RFTN1: variants seen among roughly 807,000 people sequenced by gnomAD.
RFTN1 encodes raftlin.
Under a neutral mutation model 46.5 loss-of-function variants are expected in RFTN1, and 26 were observed. The observed-to-expected ratio is 0.56, with a 90% CI of 0.41 to 0.78. The LOEUF (loss-of-function observed/expected upper bound fraction) is 0.78. RFTN1 is among the 30% of genes least tolerant of loss of function. The pLI, the probability that RFTN1 is intolerant of heterozygous loss-of-function variation, is 0.00. For missense variants in RFTN1, 693 were observed against 718.7 expected, an observed-to-expected ratio of 0.96 and a Z score of 0.41; for synonymous variants, 261 against 284.2, an observed-to-expected ratio of 0.92 and a Z score of 0.82.
At chr3:16,409,221 G>T (rs1259789662) in intron 4 of RFTN1, among the ~76,000 whole-genome samples, 154 bp downstream of exon 4, 2 of 152,344 alleles carry the variant, frequency 1.3e-5, no homozygotes, top group East Asian at 3.9e-4. Context: ...AGCTCTGGAG[G>T]GGGCTGCTTC....
intron 6 of RFTN1, among the ~76,000 whole-genome samples, chr3:16,359,868 T>C (rs1347447148): frequency 6.6e-6 from 1 of 152,038 alleles, no homozygotes; most frequent in African/African-American, 2.4e-5. Flanking sequence ...GTCCCCTGAA[T>C]CATGCTGGAG....
rs548934026 is a variant in RFTN1, at chr3:16,479,616, G to A, written c.145+14109C>T. On this transcript the variant is annotated intron_variant, in intron 2 of 9. Coordinates refer to ENST00000334133, the MANE Select transcript of RFTN1 (RefSeq NM_015150.2). This position sits in a 1 kb window ranked among gnomAD's most constrained non-coding sequence, Gnocchi z 5.1. Reference sequence around the variant, plus strand: ...ATTTCTCACCAAGCAAGCCATGATGGACTGAAGACCGGTGAGCCCATGCTC... The same window carrying A: ...ATTTCTCACCAAGCAAGCCATGATGAACTGAAGACCGGTGAGCCCATGCTC... 6.6e-6 allele frequency among the ~76,000 whole-genome samples: 1 copy of A among 152,326 alleles called. No individual in the cohort carries two copies. Among genetic ancestry groups the A allele is most frequent in the South Asian group, 2.1e-4 (1 of 4,826 alleles).
chr3:16,325,891 G>A (rs372806635), intron 8 of RFTN1, among the ~76,000 whole-genome samples: 28 of 152,306 alleles, frequency 1.8e-4, no homozygotes, highest in African/African-American at 6.5e-4. Context: ...TAGGGCTTGG[G>A]GAAGGTGGAG....
chr3:16,482,823 G>C, intron 2 of RFTN1: 1 of 1,536,036 alleles, frequency 6.5e-7, no homozygotes, highest in Admixed American at 2.0e-5. Context: ...AGGGCGCAGG[G>C]GCAGAACAGC....
In RFTN1 at chr3:16,345,817, TGC is replaced by T. The variant is rs1553726165; in HGVS notation, c.1146+12113_1146+12114del. Among the ~76,000 whole-genome samples, 845 of 74,572 alleles carry T rather than the reference TGC, an allele frequency of 0.011. 3 individuals are homozygous for T. Among genetic ancestry groups the T allele is most frequent in the South Asian group, 0.029 (47 of 1,634 alleles). The allele number at this position is 74,572 out of a possible 152,430, so 48.9% of individuals were successfully genotyped here. On this transcript the variant is annotated intron_variant, in intron 7 of 9. Coordinates refer to ENST00000334133, the MANE Select transcript of RFTN1 (RefSeq NM_015150.2). This position sits in a 1 kb window ranked among gnomAD's most constrained non-coding sequence, Gnocchi z 5.2. ...GTGTGTGTGTGTGTGTGTGTGTGTG[TGC>T]GCGCGCGCGTGCGCGCACGCGCACA...
chr3:16,397,139 G>T (rs1003701212), intron 4 of RFTN1, among the ~76,000 whole-genome samples: 1 of 151,636 alleles, frequency 6.6e-6, no homozygotes, highest in African/African-American at 2.4e-5. Context: ...ATTGTAAGAG[G>T]TATATGTGTG....
At chr3:16,399,577 TTTTTC>T (rs2074554336) in intron 4 of RFTN1, among the ~76,000 whole-genome samples, 1 of 151,642 alleles carries the variant, frequency 6.6e-6, no homozygotes, top group Non-Finnish European at 1.5e-5. Flanking sequence ...GGCTACTTAC[TTTTTC>T]TTTTCTCTGA....
intron 4 of RFTN1, among the ~76,000 whole-genome samples, chr3:16,403,074 G>A (rs6798967): frequency 0.66 from 100,196 of 152,038 alleles, 34,463 homozygotes; most frequent in African/African-American, 0.86. Flanking sequence ...TGGGCGGCAA[G>A]GGCCTGGAGC....
chr3:16,401,321 TAAAAAA>T (rs56312811), intron 4 of RFTN1, among the ~76,000 whole-genome samples: 6 of 145,454 alleles, frequency 4.1e-5, no homozygotes, highest in Non-Finnish European at 6.0e-5. Flanking sequence ...GAAGCCGTGT[TAAAAAA>T]AAAAAAAAAA....
intron 1 of RFTN1, 33 bp from the exon 2 acceptor site, chr3:16,493,910 T>C (rs1342760741): frequency 6.2e-7 from 1 of 1,610,228 alleles, no homozygotes; most frequent in African/African-American, 1.3e-5. Flanking sequence ...GGGGAGGTGA[T>C]TTTTTTCTGA....
chr3:16,419,367 C>G (rs1215534633), intron 3 of RFTN1, among the ~76,000 whole-genome samples: 1 of 152,120 alleles, frequency 6.6e-6, no homozygotes, highest in Admixed American at 6.6e-5. Context: ...GATACTATGA[C>G]AGATTCTGGG....
At position 16,344,185 on chromosome 3, in the gene RFTN1, G is replaced by A. The variant is rs561426357; in HGVS notation, c.1146+13747C>T. Among the ~76,000 whole-genome samples the A allele has an allele frequency of 1.6e-4, 25 of 152,256 alleles. No homozygotes were observed. The highest frequency in any genetic ancestry group is 3.2e-4 in the Non-Finnish European group (22 of 68,016). On this transcript the variant is annotated intron_variant, in intron 7 of 9. Coordinates refer to ENST00000334133, the MANE Select transcript of RFTN1 (RefSeq NM_015150.2). The surrounding 1 kb of genome is among the most constrained non-coding windows in gnomAD (Gnocchi z 4.4). ...TTTTGGAGCTTAAATACAATTTGTT[G>A]ATACTTAAATGTATTCCTATTACAT...
intron 2 of RFTN1, among the ~76,000 whole-genome samples, chr3:16,477,352 T>C (rs1239763420): frequency 6.6e-6 from 1 of 152,186 alleles, no homozygotes; most frequent in East Asian, 1.9e-4. Flanking sequence ...GCAATTTTAT[T>C]TTTCTGCTAG....
rs1349610617 is a variant in RFTN1 at position 16,428,808 on chromosome 3, C to T, written c.332+5043G>A. ...AAAACAACCTAGAATTAAACCCACA[C>T]TCATGAAACATCAGAAGTGACGTTT... On this transcript the variant is annotated intron_variant, in intron 3 of 9. Coordinates refer to ENST00000334133, the MANE Select transcript of RFTN1 (RefSeq NM_015150.2). This position sits in a 1 kb window ranked among gnomAD's most constrained non-coding sequence, Gnocchi z 4.7. 6.6e-6 allele frequency among the ~76,000 whole-genome samples: 1 copy of T among 152,186 alleles called. No individual in the cohort carries two copies. The highest frequency in any genetic ancestry group is 1.5e-5 in the Non-Finnish European group (1 of 68,042).
At chr3:16,401,233 G>C (rs1049210403) in intron 4 of RFTN1, among the ~76,000 whole-genome samples, 2 of 151,898 alleles carry the variant, frequency 1.3e-5, no homozygotes, top group African/African-American at 4.8e-5. Context: ...TGAGGCAGGA[G>C]GACCATCTGA....
rs1372894102 is a variant in RFTN1, at chr3:16,500,310, T to C, written c.-8-6433A>G. 6.6e-6 allele frequency among the ~76,000 whole-genome samples: 1 copy of C among 152,206 alleles called. No individual in the cohort carries two copies. The highest frequency in any genetic ancestry group is 1.5e-5 in the Non-Finnish European group (1 of 68,034). ...TTGGATCAGCTTTGATTGACAGGTG[T>C]CCAGGCATTTGTTTCTCTTTTTATA... On this transcript the variant is annotated intron_variant, in intron 1 of 9. Coordinates refer to ENST00000334133, the MANE Select transcript of RFTN1 (RefSeq NM_015150.2). The surrounding 1 kb of genome is among the most constrained non-coding windows in gnomAD (Gnocchi z 5.9).
In RFTN1 at chr3:16,498,169, C is replaced by T. The variant is rs1479539107; in HGVS notation, c.-8-4292G>A. Among the ~76,000 whole-genome samples, 3 of 152,192 alleles carry T rather than the reference C, an allele frequency of 2.0e-5. No homozygotes were observed. Among genetic ancestry groups the T allele is most frequent in the Non-Finnish European group, 4.4e-5 (3 of 68,042 alleles). On this transcript the variant is annotated intron_variant, in intron 1 of 9. Transcript: ENST00000334133. This position sits in a 1 kb window ranked among gnomAD's most constrained non-coding sequence, Gnocchi z 5.2. ...TTACATTAAACCAAATTTGGCTTGA[C>T]GATGCCTCCATACTTGAGTCATTAC...
rs758128519 is a variant in RFTN1, at chr3:16,446,551, G to A, written c.146-12514C>T. 7.9e-5 allele frequency among the ~76,000 whole-genome samples: 12 copies of A among 152,238 alleles called. No individual in the cohort carries two copies. The highest frequency in any genetic ancestry group is 3.4e-3 in the Middle Eastern group (1 of 294). ...GCAACAGGAAGAAAAAAGCTGCTGAGTTGGGATAATTCAAAAACATGCCAC... is the reference window on the plus strand; with the variant it reads ...GCAACAGGAAGAAAAAAGCTGCTGAATTGGGATAATTCAAAAACATGCCAC... On this transcript the variant is annotated intron_variant, in intron 2 of 9. Coordinates refer to ENST00000334133, the MANE Select transcript of RFTN1 (RefSeq NM_015150.2). The surrounding 1 kb of genome is among the most constrained non-coding windows in gnomAD (Gnocchi z 4.5).
rs150128680 is a variant in RFTN1 at position 16,443,064 on chromosome 3, T to C, written c.146-9027A>G. Among the ~76,000 whole-genome samples, 456 of 152,362 alleles carry C rather than the reference T, an allele frequency of 3.0e-3. 4 individuals are homozygous for C. Among genetic ancestry groups the C allele is most frequent in the African/African-American group, 0.011 (443 of 41,586 alleles). The stretch of plus-strand genomic sequence containing the variant: ...TGCAGATATCTCTTCAACATACTGA[T>C]TTCATTTCCTTTGGAGAAATACCCA... On this transcript the variant is annotated intron_variant, in intron 2 of 9. Coordinates refer to ENST00000334133, the MANE Select transcript of RFTN1 (RefSeq NM_015150.2). This position sits in a 1 kb window ranked among gnomAD's most constrained non-coding sequence, Gnocchi z 5.5.
Sources: gnomAD v4.1 joint callset for allele counts (sites outside exome capture counted in the v4.1 genomes callset) on GRCh38, gnomAD v4.1.1 for gene constraint, Gnocchi (gnomAD v3.1) non-coding constraint, MANE v1.5 for transcripts, NCBI Gene and HGNC (gene_info 2026-07-23, HGNC 2026-07-21) for gene names.